The following MEIOSIN variants were observed in gnomAD, a reference collection of about 807,000 sequenced individuals.
MEIOSIN encodes meiosis initiator protein.
A neutral mutation model predicts 23.4 loss-of-function variants in MEIOSIN; 18 were observed. That is an observed-to-expected ratio of 0.77 (90% CI 0.53 to 1.14). The LOEUF (loss-of-function observed/expected upper bound fraction) is 1.14, where lower values mean the gene tolerates loss of function less well. Among genes scored for constraint, MEIOSIN ranks in the 50% most tolerant of loss-of-function variants. The pLI is 0.00. For synonymous variants in MEIOSIN, 187 were observed against 100.6 expected (o/e 1.86, Z -5.14); for missense variants, 428 against 242.9 (o/e 1.76, Z -5.07).
At chr19:45,761,539 G>C in intron 11 of MEIOSIN, 140 bp from the exon 12 acceptor site, 1 of 523,558 alleles carries the variant, frequency 1.9e-6, no homozygotes, top group Non-Finnish European at 3.4e-6. Flanking sequence ...CAGAGTGTTG[G>C]GGTTACAGGC....
intron 5 of MEIOSIN, among the ~76,000 whole-genome samples, chr19:45,753,302 G>A (rs931043632): frequency 6.6e-6 from 1 of 152,176 alleles, no homozygotes; most frequent in African/African-American, 2.4e-5. Flanking sequence ...CAGTGACCTT[G>A]AGGGGGTCGG....
At chr19:45,759,388 G>C (rs372263680) in intron 10 of MEIOSIN, 26 bp from the exon 11 acceptor site, 12 of 702,936 alleles carry the variant, frequency 1.7e-5, no homozygotes, top group African/African-American at 3.5e-5. Context: ...TTCCACTCTG[G>C]CTGCCCCTCT....
At position 45,733,846 on chromosome 19, in the gene MEIOSIN, C is replaced by T. The variant is rs1968365124; in HGVS notation, c.-1+180C>T. ...GGAGTTTGGGTTTGAAGCCGGGGGT[C>T]CAGGTTCGAGTTTGAGGAACGGAAG... On this transcript the variant is annotated intron_variant, in intron 1 of 14. Transcript: ENST00000457052. This position sits in a 1 kb window ranked among gnomAD's most constrained non-coding sequence, Gnocchi z 5.7. Among the ~76,000 whole-genome samples the T allele has an allele frequency of 6.6e-6, 1 of 152,140 alleles. No homozygotes were observed. The highest frequency in any genetic ancestry group is 2.1e-4 in the South Asian group (1 of 4,826).
At chr19:45,760,127 C>A in intron 11 of MEIOSIN, among the ~76,000 whole-genome samples, 1 of 151,208 alleles carries the variant, frequency 6.6e-6, no homozygotes, top group East Asian at 2.0e-4. Flanking sequence ...AACTACTCTA[C>A]GAAGCAGGGT....
rs971877465 is a variant in MEIOSIN, at chr19:45,757,291, TG to T, written c.1012+15del. ...ACAGCCCCCAAGGTGACTGCAACTC[TG>T]TCTCTCCTCCTTGTAGGCTGGTGTG... On this transcript the variant is annotated intron_variant, in intron 9 of 14. Coordinates refer to ENST00000457052, the MANE Select transcript of MEIOSIN (RefSeq NM_001310124.2). 67 of 701,200 alleles carry T rather than the reference TG, an allele frequency of 9.6e-5. No homozygotes were observed. The African/African-American group carries it at 1.0e-3, about 11-fold the overall frequency. 43.4% of individuals were successfully genotyped at this position (701,200 alleles called of 1,614,324 possible). A position where few individuals can be genotyped will look rare whatever the true frequency, so the allele number is the denominator to read the frequency against.
intron 3 of MEIOSIN, among the ~76,000 whole-genome samples, chr19:45,740,439 A>G (rs1220968054): frequency 1.3e-5 from 2 of 152,094 alleles, no homozygotes; most frequent in African/African-American, 2.4e-5. Context: ...TCTTACTCTT[A>G]CATCCCTACA....
chr19:45,749,908 G>A (rs1379415424), intron 4 of MEIOSIN, among the ~76,000 whole-genome samples: 2 of 151,018 alleles, frequency 1.3e-5, no homozygotes, highest in African/African-American at 4.9e-5. Context: ...GGAGGCTGAG[G>A]CAGGAGAATT....
intron 13 of MEIOSIN, among the ~76,000 whole-genome samples, chr19:45,762,462 C>G (rs1387021755): frequency 6.6e-6 from 1 of 152,204 alleles, no homozygotes; most frequent in Non-Finnish European, 1.5e-5. Flanking sequence ...GAGTCTCACT[C>G]TATTGCCCAG....
rs1296664855 is a variant in MEIOSIN, at chr19:45,752,035, T to G, written c.418+1249T>G. Among the ~76,000 whole-genome samples, 7 of 10,898 alleles carry G rather than the reference T, an allele frequency of 6.4e-4. No individual in the cohort carries two copies. In the East Asian group the frequency reaches 6.7e-3, roughly 10 times the overall value. The allele number at this position is 10,898 out of a possible 152,430, so 7.1% of individuals were successfully genotyped here. On this transcript the variant is annotated intron_variant, in intron 5 of 14. Transcript: ENST00000457052. ...GCTGTGAGCCCCTGCTCCTAGCCGT[T>G]TTTTTTTTTTTTTTTTTTTGAGACA... is the stretch of plus-strand genomic sequence containing the variant.
At chr19:45,748,600 T>G (rs186172124) in intron 4 of MEIOSIN, among the ~76,000 whole-genome samples, 6 of 152,314 alleles carry the variant, frequency 3.9e-5, no homozygotes, top group Admixed American at 3.9e-4. Flanking sequence ...GAAGTTTCAA[T>G]TACTGAGGCA....
At position 45,735,398 on chromosome 19, in the gene MEIOSIN, T is replaced by C; in HGVS notation, c.22T>C (p.Leu8=). 4.3e-6 allele frequency: 3 copies of C among 702,838 alleles called. No individual in the cohort carries two copies. The allele number at this position is 702,838 out of a possible 1,614,324, so 43.5% of individuals were successfully genotyped here. A position where few individuals can be genotyped will look rare whatever the true frequency, so the allele number is the denominator to read the frequency against. ...GCAGATGTTTGGTTCCAGCAGATAC[T>C]TGGGTTCCTCTGAACAGCCCAGAGC... is the stretch of plus-strand genomic sequence containing the variant. MFGSSRY[L]GSSEQPRANS... is the part of the protein sequence containing the mutation. The change falls in exon 2 of 15, where the codon TTG becomes CTG. Residue 8 remains leucine (L), a synonymous_variant. Coordinates refer to ENST00000457052, the MANE Select transcript of MEIOSIN (RefSeq NM_001310124.2).
chr19:45,758,869 C>G lies in MEIOSIN; in HGVS notation c.1013-9C>G. 1 of 703,006 alleles carries G rather than the reference C, an allele frequency of 1.4e-6. No homozygotes were observed. Among genetic ancestry groups the G allele is most frequent in the Middle Eastern group, 2.3e-4 (1 of 4,368 alleles). The allele number at this position is 703,006 out of a possible 1,614,324, so 43.5% of individuals were successfully genotyped here. On this transcript the variant is annotated splice_polypyrimidine_tract_variant and intron_variant, in intron 9 of 14. Transcript: ENST00000457052. ...GGCCACACCCCTGAGTCTGCTGTTC[C>G]CTTTCCAGGGAGCCCACTGTTCCTG...
rs1568558090 is a variant in MEIOSIN, at chr19:45,753,837, G to C, written c.556+49G>C. 4.4e-6 allele frequency: 3 copies of C among 675,716 alleles called. No homozygotes were observed. In the East Asian group the frequency reaches 8.1e-5, roughly 18 times the overall value. 41.9% of individuals were successfully genotyped at this position (675,716 alleles called of 1,614,324 possible). A position where few individuals can be genotyped will look rare whatever the true frequency, so the allele number is the denominator to read the frequency against. On this transcript the variant is annotated intron_variant, in intron 6 of 14. Coordinates refer to ENST00000457052, the MANE Select transcript of MEIOSIN (RefSeq NM_001310124.2). Reference sequence around the variant, plus strand: ...AACTAGAAGCCCAGGTCACCCAGGAGCAGGGCTCCTTCTCCAGGGATGTCC... The same window carrying C: ...AACTAGAAGCCCAGGTCACCCAGGACCAGGGCTCCTTCTCCAGGGATGTCC...
intron 11 of MEIOSIN, among the ~76,000 whole-genome samples, chr19:45,761,423 A>ATTT (rs35838022): frequency 3.0e-4 from 18 of 59,824 alleles, no homozygotes; most frequent in South Asian, 1.7e-3. Flanking sequence ...CGCCTGGCCT[A>ATTT]TTTTTTTTTT....
rs1395547881 is a variant in MEIOSIN, at chr19:45,754,733, C to A, written c.802+9C>A. 1 of 702,898 alleles carries A rather than the reference C, an allele frequency of 1.4e-6. No individual in the cohort carries two copies. The highest frequency in any genetic ancestry group is 2.6e-6 in the Non-Finnish European group (1 of 384,956). The allele number at this position is 702,898 out of a possible 1,614,324, so 43.5% of individuals were successfully genotyped here. ...CCACTGTGACATCTCAAGTGGGTCT[C>A]TTTCCTCACTCTGAACTTAGTCTTT... On this transcript the variant is annotated intron_variant, in intron 7 of 14. Coordinates refer to ENST00000457052, the MANE Select transcript of MEIOSIN (RefSeq NM_001310124.2).
In MEIOSIN at chr19:45,739,750, G is replaced by A; in HGVS notation, c.176+20G>A. 1.4e-6 allele frequency: 1 copy of A among 703,536 alleles called. No homozygotes were observed. The allele number at this position is 703,536 out of a possible 1,614,324, so 43.6% of individuals were successfully genotyped here. A position where few individuals can be genotyped will look rare whatever the true frequency, so the allele number is the denominator to read the frequency against. On this transcript the variant is annotated intron_variant, in intron 3 of 14. Coordinates refer to ENST00000457052, the MANE Select transcript of MEIOSIN (RefSeq NM_001310124.2). ...ACTGAGGTACTGTTAACAGAAAAGG[G>A]GGGATTGGATGTTGGCCAAGCAAAA...
In MEIOSIN at chr19:45,733,934, T is replaced by G. The variant is rs916361002; in HGVS notation, c.-1+268T>G. ...GATCTGGGATCTCGGGATTTGTGTCTAGGGGTGACTAGTTCTGGAATCTGA... is the reference window on the plus strand; with the variant it reads ...GATCTGGGATCTCGGGATTTGTGTCGAGGGGTGACTAGTTCTGGAATCTGA... On this transcript the variant is annotated intron_variant, in intron 1 of 14. Coordinates refer to ENST00000457052, the MANE Select transcript of MEIOSIN (RefSeq NM_001310124.2). This position sits in a 1 kb window ranked among gnomAD's most constrained non-coding sequence, Gnocchi z 5.7. Among the ~76,000 whole-genome samples the G allele has an allele frequency of 2.6e-5, 4 of 152,108 alleles. No homozygotes were observed. Among genetic ancestry groups the G allele is most frequent in the African/African-American group, 9.7e-5 (4 of 41,418 alleles).
intron 9 of MEIOSIN, 149 bp from the exon 10 acceptor site, chr19:45,758,729 G>A: frequency 1.7e-6 from 1 of 599,928 alleles, no homozygotes; most frequent in East Asian, 2.8e-5. Context: ...GCAGCCGGCT[G>A]CCTCTTCATT....
In MEIOSIN at chr19:45,756,023, G is replaced by T; in HGVS notation, c.856G>T (p.Ala286Ser). ...TGACGCACCTTTCCCTGCGCTCCTGGCTCAGGAAGATGTGGCGAGGATCCA... is the reference window on the plus strand; with the variant it reads ...TGACGCACCTTTCCCTGCGCTCCTGTCTCAGGAAGATGTGGCGAGGATCCA... ...QDDAPFPALL[A>S]QEDVARIHFL... The change falls in exon 8 of 15, where the codon GCT (alanine) becomes TCT (serine). Residue 286 changes from alanine to serine, a missense_variant. Ala to Ser is a moderately conservative substitution (Grantham distance 99). Coordinates refer to ENST00000457052, the MANE Select transcript of MEIOSIN (RefSeq NM_001310124.2). 1 of 702,922 alleles carries T rather than the reference G, an allele frequency of 1.4e-6. No individual in the cohort carries two copies. The highest frequency in any genetic ancestry group is 2.6e-6 in the Non-Finnish European group (1 of 385,004). 43.5% of individuals were successfully genotyped at this position (702,922 alleles called of 1,614,324 possible).
Sources: gnomAD v4.1 joint callset for allele counts (sites outside exome capture counted in the v4.1 genomes callset) on GRCh38, gnomAD v4.1.1 for gene constraint, Gnocchi (gnomAD v3.1) non-coding constraint, MANE v1.5 for transcripts, NCBI Gene and HGNC (gene_info 2026-07-23, HGNC 2026-07-21) for gene names.